Variants in CBLN2 observed in about 807,000 individuals in gnomAD.
CBLN2 encodes cerebellin-2.
CBLN2 carries 7 observed loss-of-function variants against 15.0 expected under a neutral mutation model. The observed-to-expected ratio is 0.47, with a 90% CI of 0.27 to 0.88. The LOEUF (loss-of-function observed/expected upper bound fraction) is 0.88, where lower values mean the gene tolerates loss of function less well. CBLN2 is among the 40% of genes least tolerant of loss of function. CBLN2 has a pLI of 0.14. For synonymous variants in CBLN2, 149 were observed against 135.2 expected, an observed-to-expected ratio of 1.10 and a Z score of -0.71; for missense variants, 242 against 304.5, an observed-to-expected ratio of 0.79 and a Z score of 1.53.
intron 1 of CBLN2, among the ~76,000 whole-genome samples, chr18:72,578,915 C>T (rs1309773535): frequency 6.6e-6 from 1 of 152,178 alleles, no homozygotes; most frequent in Non-Finnish European, 1.5e-5. Flanking sequence ...CCTTTCAATT[C>T]TTCTAAACAG....
At chr18:72,554,289 T>C (rs1157993657) in intron 1 of CBLN2, among the ~76,000 whole-genome samples, 1 of 152,032 alleles carries the variant, frequency 6.6e-6, no homozygotes, top group Non-Finnish European at 1.5e-5. Context: ...TGCAAGAAAG[T>C]GACAAGAATA....
chr18:72,608,838 C>A (rs1423016082), intron 1 of CBLN2, among the ~76,000 whole-genome samples: 1 of 152,106 alleles, frequency 6.6e-6, no homozygotes, highest in African/African-American at 2.4e-5. Context: ...GCTGGGGAGA[C>A]CTCATAGTCA....
At chr18:72,624,200 CTT>C (rs879934445) in intron 1 of CBLN2, among the ~76,000 whole-genome samples, 12 of 144,832 alleles carry the variant, frequency 8.3e-5, no homozygotes, top group Admixed American at 6.9e-5. Flanking sequence ...CCAACCCCTT[CTT>C]TTTTTTTTTT....
At chr18:72,619,251 G>A (rs1454292720) in intron 1 of CBLN2, 8 of 908,488 alleles carry the variant, frequency 8.8e-6, no homozygotes, top group African/African-American at 1.6e-5. Flanking sequence ...AGCTTAGCAG[G>A]AGAGGAGAGC....
intron 1 of CBLN2, among the ~76,000 whole-genome samples, chr18:72,572,704 T>C (rs1010404763): frequency 5.3e-5 from 8 of 152,128 alleles, no homozygotes; most frequent in African/African-American, 1.7e-4. Flanking sequence ...CAAGTGCATG[T>C]CATCACGTCC....
chr18:72,631,593 G>A (rs1195061463), intron 1 of CBLN2, among the ~76,000 whole-genome samples: 1 of 152,070 alleles, frequency 6.6e-6, no homozygotes, highest in Non-Finnish European at 1.5e-5. Context: ...AAAGGAATCA[G>A]GGAATGGAAA....
chr18:72,574,201 C>G (rs140344350), intron 1 of CBLN2, among the ~76,000 whole-genome samples: 6 of 151,998 alleles, frequency 3.9e-5, no homozygotes, highest in African/African-American at 1.2e-4. Context: ...ATTAGATATG[C>G]CTTTTGCAAA....
At chr18:72,561,897 G>T in intron 1 of CBLN2, among the ~76,000 whole-genome samples, 1 of 152,158 alleles carries the variant, frequency 6.6e-6, no homozygotes, top group East Asian at 1.9e-4. Flanking sequence ...GTAAATAAAA[G>T]ATATCTCAAG....
chr18:72,606,740 C>A (rs779510956), intron 1 of CBLN2, among the ~76,000 whole-genome samples: 72 of 152,144 alleles, frequency 4.7e-4, no homozygotes, highest in Non-Finnish European at 7.8e-4. Flanking sequence ...AGTGTGGGGA[C>A]CTCCATTCAA....
chr18:72,548,110 G>T (rs908645371), upstream of CBLN2, among the ~76,000 whole-genome samples: 1 of 152,152 alleles, frequency 6.6e-6, no homozygotes, highest in South Asian at 2.1e-4. Context: ...TCGGTGTCTG[G>T]AGTTGTTGAT....
At position 72,564,271 on chromosome 18, in the gene CBLN2, T is replaced by C. The variant is rs187258990; in HGVS notation, c.16-25499A>G. On this transcript the variant is annotated intron_variant, in intron 1 of 2. Transcript: ENST00000581073. The stretch of plus-strand genomic sequence containing the variant: ...ATAATCTTAAGAAAACTCAGTGAGA[T>C]GCAAGAGAATGCACATAGACAGTTC... Among the ~76,000 whole-genome samples, 218 of 152,202 alleles carry C rather than the reference T, an allele frequency of 1.4e-3. 2 individuals are homozygous for C. Among genetic ancestry groups the C allele is most frequent in the African/African-American group, 5.0e-3 (209 of 41,544 alleles).
upstream of CBLN2, among the ~76,000 whole-genome samples, chr18:72,547,126 A>T (rs1299997127): frequency 7.4e-6 from 1 of 135,754 alleles, no homozygotes; most frequent in Non-Finnish European, 1.6e-5. Flanking sequence ...ACACACACAC[A>T]CACACACACA....
At chr18:72,591,613 T>A (rs997167158) in intron 1 of CBLN2, among the ~76,000 whole-genome samples, 2 of 152,182 alleles carry the variant, frequency 1.3e-5, no homozygotes, top group African/African-American at 4.8e-5. Context: ...TGTATATTTG[T>A]ACCTATTAAC....
chr18:72,584,460 C>T (rs1239154856), intron 1 of CBLN2, among the ~76,000 whole-genome samples: 1 of 152,024 alleles, frequency 6.6e-6, no homozygotes, highest in Non-Finnish European at 1.5e-5. Context: ...TGCCACCATG[C>T]CCAGCTAATT....
chr18:72,615,094 A>AATAT (rs1446809492), intron 1 of CBLN2, among the ~76,000 whole-genome samples: 2 of 135,238 alleles, frequency 1.5e-5, no homozygotes, highest in African/African-American at 5.6e-5. Flanking sequence ...AATATATATA[A>AATAT]ATATATTTAT....
chr18:72,625,787 ACTCTCTCT>A (rs374437409), intron 1 of CBLN2, among the ~76,000 whole-genome samples: 4,268 of 79,330 alleles, frequency 0.054, 144 homozygotes, highest in Middle Eastern at 0.085. Flanking sequence ...TATATATATG[ACTCTCTCT>A]CTCTCTCTCT....
At chr18:72,554,583 C>T (rs2069212237) in intron 1 of CBLN2, among the ~76,000 whole-genome samples, 1 of 144,514 alleles carries the variant, frequency 6.9e-6, no homozygotes, top group African/African-American at 2.9e-5. Flanking sequence ...GTCAATTAAA[C>T]ATCTTTAAAG....
exon 1 of CBLN2, chr18:72,638,513 C>T (rs1212425079): frequency 5.1e-6 from 2 of 394,480 alleles, no homozygotes; most frequent in African/African-American, 2.1e-5. Context: ...AACATTTATG[C>T]TTATGACTAA....
chr18:72,618,962 G>A (rs2144964132), intron 1 of CBLN2: 1 of 752,138 alleles, frequency 1.3e-6, no homozygotes. Context: ...GGCAGCCATG[G>A]TGATGGTGGA....
Sources: gnomAD v4.1 joint callset for allele counts (sites outside exome capture counted in the v4.1 genomes callset) on GRCh38, gnomAD v4.1.1 for gene constraint, MANE v1.5 for transcripts, NCBI Gene and HGNC (gene_info 2026-07-23, HGNC 2026-07-21) for gene names.